The following SPMIP2 variants were observed in gnomAD, a reference collection of about 807,000 sequenced individuals.
The protein encoded by SPMIP2 is sperm microtubule inner protein 2.
At chr4:158,917,009 G>C in the SPMIP2 span, among the ~76,000 whole-genome samples, 2 of 152,128 alleles carry the variant, frequency 1.3e-5, no homozygotes, top group Non-Finnish European at 2.9e-5. Flanking sequence ...CCAGCACTTT[G>C]GGAAGCTCAG....
the SPMIP2 span, among the ~76,000 whole-genome samples, chr4:158,983,356 T>C: frequency 4.0e-5 from 6 of 151,172 alleles, no homozygotes; most frequent in African/African-American, 1.5e-4. Flanking sequence ...AGACACATAA[T>C]TGTCAGATTC....
chr4:158,899,387 T>C, the SPMIP2 span, among the ~76,000 whole-genome samples: 2 of 152,216 alleles, frequency 1.3e-5, no homozygotes, highest in African/African-American at 4.8e-5. Flanking sequence ...TAGGCAGAAG[T>C]CCCTCTTTTT....
At chr4:159,047,198 A>T in the SPMIP2 span, among the ~76,000 whole-genome samples, 1 of 152,236 alleles carries the variant, frequency 6.6e-6, no homozygotes, top group African/African-American at 2.4e-5. Flanking sequence ...TGCATTTTAT[A>T]GTTTTTAAAA....
At chr4:159,000,690 C>T in the SPMIP2 span, among the ~76,000 whole-genome samples, 1 of 151,830 alleles carries the variant, frequency 6.6e-6, no homozygotes, top group Non-Finnish European at 1.5e-5. Flanking sequence ...GATGGGGCCT[C>T]ACCATATTGG....
At chr4:158,952,357 CCCATATTGTCCT>C in the SPMIP2 span, among the ~76,000 whole-genome samples, 1 of 152,056 alleles carries the variant, frequency 6.6e-6, no homozygotes, top group Non-Finnish European at 1.5e-5. Flanking sequence ...GGTGGTTTTC[CCCATATTGTCCT>C]TGTGGTAGTC....
the SPMIP2 span, among the ~76,000 whole-genome samples, chr4:159,066,217 A>G: frequency 1.3e-5 from 2 of 152,220 alleles, no homozygotes; most frequent in African/African-American, 2.4e-5. Context: ...ATAAAACACT[A>G]TGAATGCTGG....
chr4:158,941,173 A>G, the SPMIP2 span, among the ~76,000 whole-genome samples: 1 of 151,510 alleles, frequency 6.6e-6, no homozygotes, highest in Non-Finnish European at 1.5e-5. Flanking sequence ...ATAATCTTCC[A>G]GTCAAATTCA....
chr4:158,900,216 T>C, the SPMIP2 span, among the ~76,000 whole-genome samples: 4 of 152,108 alleles, frequency 2.6e-5, no homozygotes, highest in Admixed American at 1.3e-4. Flanking sequence ...GAGACTGTTA[T>C]GATTTCCATT....
chr4:159,054,880 G>A, the SPMIP2 span, among the ~76,000 whole-genome samples: 2 of 145,912 alleles, frequency 1.4e-5, no homozygotes, highest in Non-Finnish European at 3.0e-5. Context: ...TGCAGCATGT[G>A]CTCTGCTCCC....
chr4:158,915,183 G>A, the SPMIP2 span: 1 of 1,602,640 alleles, frequency 6.2e-7, no homozygotes. Context: ...TTCCTTTTTT[G>A]GTAGCTTCGG....
At chr4:158,988,162 G>A in the SPMIP2 span, among the ~76,000 whole-genome samples, 6 of 152,040 alleles carry the variant, frequency 3.9e-5, no homozygotes, top group Admixed American at 2.0e-4. Context: ...TAAATTCCTG[G>A]GCACATACAC....
chr4:158,916,675 GCT>G, the SPMIP2 span, among the ~76,000 whole-genome samples: 2 of 151,876 alleles, frequency 1.3e-5, no homozygotes, highest in Admixed American at 6.6e-5. Context: ...ATGGAGTCTC[GCT>G]CTGTCACCCA....
At chr4:158,918,917 A>G in the SPMIP2 span, among the ~76,000 whole-genome samples, 1 of 152,354 alleles carries the variant, frequency 6.6e-6, no homozygotes, top group South Asian at 2.1e-4. Context: ...GAACACCACC[A>G]CCAGACATTT....
chr4:158,967,992 C>A, the SPMIP2 span, among the ~76,000 whole-genome samples: 1 of 152,208 alleles, frequency 6.6e-6, no homozygotes, highest in African/African-American at 2.4e-5. Flanking sequence ...TACTATCAAG[C>A]GATTTCTTAT....
chr4:158,975,257 C>A, the SPMIP2 span, among the ~76,000 whole-genome samples: 1 of 65,408 alleles, frequency 1.5e-5, no homozygotes. Flanking sequence ...TGCCTGTTCA[C>A]TCTGATGATA....
the SPMIP2 span, among the ~76,000 whole-genome samples, chr4:159,066,653 C>T: frequency 6.8e-6 from 1 of 146,772 alleles, no homozygotes; most frequent in Admixed American, 7.0e-5. Flanking sequence ...TATATCTCAA[C>T]CCTTCTCATT....
the SPMIP2 span, among the ~76,000 whole-genome samples, chr4:158,934,549 G>T: frequency 2.0e-5 from 3 of 152,018 alleles, no homozygotes; most frequent in African/African-American, 7.3e-5. Flanking sequence ...ATTTAAAATG[G>T]TATCTGACCC....
At chr4:158,948,487 A>G in the SPMIP2 span, among the ~76,000 whole-genome samples, 2 of 151,714 alleles carry the variant, frequency 1.3e-5, no homozygotes, top group African/African-American at 4.8e-5. Flanking sequence ...GTGATACCAT[A>G]TTGATTACTG....
the SPMIP2 span, among the ~76,000 whole-genome samples, chr4:159,048,921 T>A: frequency 6.6e-6 from 1 of 151,990 alleles, no homozygotes; most frequent in African/African-American, 2.4e-5. Flanking sequence ...TGATATAAAG[T>A]TAAAATTTTT....
Sources: gnomAD v4.1 joint callset for allele counts (sites outside exome capture counted in the v4.1 genomes callset) on GRCh38, gnomAD v4.1.1 for gene constraint, MANE v1.5 for transcripts, NCBI Gene and HGNC (gene_info 2026-07-23, HGNC 2026-07-21) for gene names.